ZNF704: variants seen among roughly 807,000 people sequenced by gnomAD.
ZNF704 encodes zinc finger protein 704, also known as glucocorticoid induced gene 1.
Under a neutral mutation model 44.7 loss-of-function variants are expected in ZNF704, and 10 were observed. That is an observed-to-expected ratio of 0.22 (90% CI 0.14 to 0.38). The LOEUF (loss-of-function observed/expected upper bound fraction) is 0.38. Among genes scored for constraint, ZNF704 ranks in the 10% least tolerant of loss-of-function variants. The pLI is 1.00. For synonymous variants in ZNF704, 211 were observed against 207.6 expected, an observed-to-expected ratio of 1.02 and a Z score of -0.14; for missense variants, 390 against 545.5, an observed-to-expected ratio of 0.71 and a Z score of 2.84.
rs1001719016 is a variant in ZNF704 at position 80,797,270 on chromosome 8, C to T, written c.221+24104G>A. On this transcript the variant is annotated intron_variant, in intron 2 of 8. Transcript: ENST00000327835. ...TTCTGGGGTCTTGGTGTTGGCCCTG[C>T]TCTCACAGCTCCACTAGGCAATGCC... Among the ~76,000 whole-genome samples, 3 of 152,186 alleles carry T rather than the reference C, an allele frequency of 2.0e-5. No homozygotes were observed. The East Asian group carries it at 5.8e-4, about 29-fold the overall frequency.
intron 1 of ZNF704, among the ~76,000 whole-genome samples, chr8:80,848,711 T>C (rs2129991067): frequency 6.6e-6 from 1 of 151,752 alleles, no homozygotes; most frequent in South Asian, 2.1e-4. Flanking sequence ...GTAGTGTGTG[T>C]CAGTAGTCCC....
At chr8:80,753,827 T>G (rs1806989946) in intron 2 of ZNF704, among the ~76,000 whole-genome samples, 1 of 152,118 alleles carries the variant, frequency 6.6e-6, no homozygotes, top group Non-Finnish European at 1.5e-5. Context: ...ACAGGGTTGA[T>G]GGAAAAAATA....
At chr8:80,693,687 A>G (rs1818678590) in intron 2 of ZNF704, among the ~76,000 whole-genome samples, 1 of 152,162 alleles carries the variant, frequency 6.6e-6, no homozygotes, top group South Asian at 2.1e-4. Flanking sequence ...CAGCCTGCAG[A>G]AAGGCATGGC....
At chr8:80,880,502 G>T in the ZNF704 span, among the ~76,000 whole-genome samples, 2 of 152,170 alleles carry the variant, frequency 1.3e-5, no homozygotes, top group Middle Eastern at 6.8e-3. Flanking sequence ...ATTGTTTTTG[G>T]TATATTTATT....
chr8:80,723,618 A>G (rs1806414621), intron 2 of ZNF704, among the ~76,000 whole-genome samples: 1 of 152,246 alleles, frequency 6.6e-6, no homozygotes, highest in African/African-American at 2.4e-5. Context: ...TGGTATTTAG[A>G]TTCCACTGGA....
At chr8:80,816,923 G>A (rs1263593857) in intron 2 of ZNF704, among the ~76,000 whole-genome samples, 1 of 152,066 alleles carries the variant, frequency 6.6e-6, no homozygotes, top group Non-Finnish European at 1.5e-5. Flanking sequence ...AATATCCCAG[G>A]GGTAAGCAGA....
At chr8:80,834,023 G>A (rs1370066658) in intron 1 of ZNF704, among the ~76,000 whole-genome samples, 1 of 152,062 alleles carries the variant, frequency 6.6e-6, no homozygotes, top group African/African-American at 2.4e-5. Context: ...AAAGCCTTAT[G>A]ATTCTAATGT....
chr8:80,859,316 T>A (rs890441646), intron 1 of ZNF704, among the ~76,000 whole-genome samples: 1 of 152,226 alleles, frequency 6.6e-6, no homozygotes, highest in African/African-American at 2.4e-5. Flanking sequence ...CTACTTTGTG[T>A]TGAAGTTAAT....
At chr8:80,871,666 T>C (rs929160273) in intron 1 of ZNF704, among the ~76,000 whole-genome samples, 2 of 152,244 alleles carry the variant, frequency 1.3e-5, no homozygotes, top group African/African-American at 2.4e-5. Context: ...TAGCACATAA[T>C]AGGTGTTCAA....
At chr8:80,693,513 G>A (rs1206765866) in intron 2 of ZNF704, among the ~76,000 whole-genome samples, 2 of 152,204 alleles carry the variant, frequency 1.3e-5, no homozygotes, top group African/African-American at 2.4e-5. Flanking sequence ...ATAGTGACAA[G>A]GGCTATGAAG....
chr8:80,761,915 A>G (rs1283780057), intron 2 of ZNF704, among the ~76,000 whole-genome samples: 1 of 152,262 alleles, frequency 6.6e-6, no homozygotes, highest in African/African-American at 2.4e-5. Context: ...AGATCTGTTA[A>G]TAAACTTCAA....
At chr8:80,698,320 G>C (rs547966275) in intron 2 of ZNF704, among the ~76,000 whole-genome samples, 1 of 152,262 alleles carries the variant, frequency 6.6e-6, no homozygotes, top group South Asian at 2.1e-4. Flanking sequence ...AGGAGAACAG[G>C]GCTGAGACTG....
chr8:80,631,242 G>A lies in ZNF704; in HGVS notation c.*10124C>T, dbSNP rs1045923666. 2.0e-5 allele frequency: 3 copies of A among 151,946 alleles called. No individual in the cohort carries two copies. The highest frequency in any genetic ancestry group is 6.6e-5 in the Admixed American group (1 of 15,258). 9.4% of individuals were successfully genotyped at this position (151,946 alleles called of 1,614,324 possible). A position where few individuals can be genotyped will look rare whatever the true frequency, so the allele number is the denominator to read the frequency against. On this transcript the variant is annotated 3_prime_UTR_variant, in exon 9 of 9. Coordinates refer to ENST00000327835, the MANE Select transcript of ZNF704 (RefSeq NM_001033723.3). ...TATGGGTAGTTTATCATGAAACTCC[G>A]CTGTATATCCCTGAGGGGTATATTC... is the stretch of plus-strand genomic sequence containing the variant.
chr8:80,825,658 T>C (rs562419361), intron 1 of ZNF704, among the ~76,000 whole-genome samples: 4 of 152,248 alleles, frequency 2.6e-5, no homozygotes, highest in East Asian at 1.9e-4. Context: ...TATTCCGAAA[T>C]TGACCACATA....
At chr8:80,788,338 G>T (rs1807648408) in intron 2 of ZNF704, among the ~76,000 whole-genome samples, 1 of 152,144 alleles carries the variant, frequency 6.6e-6, no homozygotes, top group Non-Finnish European at 1.5e-5. Context: ...AATGCTCAAT[G>T]AACTAGAATG....
chr8:80,868,531 G>A (rs1161229550), intron 1 of ZNF704, among the ~76,000 whole-genome samples: 1 of 152,170 alleles, frequency 6.6e-6, no homozygotes, highest in Non-Finnish European at 1.5e-5. Context: ...CCCACTTGTG[G>A]CCACATACTG....
chr8:80,657,010 G>A (rs1444647265), intron 7 of ZNF704, among the ~76,000 whole-genome samples: 3 of 152,082 alleles, frequency 2.0e-5, no homozygotes, highest in African/African-American at 4.8e-5. Context: ...AAGAATTCAC[G>A]TTTTTAAATT....
In ZNF704 at chr8:80,749,519, A is replaced by G. The variant is rs1806905251; in HGVS notation, c.222-56412T>C. The G allele has an allele frequency of 2.0e-5, 3 of 153,246 alleles. No individual in the cohort carries two copies. The Admixed American group carries it at 2.0e-4, about 10-fold the overall frequency. 9.5% of individuals were successfully genotyped at this position (153,246 alleles called of 1,614,324 possible). ...GGTTTAGAGTGCGGAATCATCTAAT[A>G]TAACATGACCAGAGCTGCAACCTCT... On this transcript the variant is annotated intron_variant, in intron 2 of 8. Coordinates refer to ENST00000327835, the MANE Select transcript of ZNF704 (RefSeq NM_001033723.3).
At chr8:80,836,133 C>T (rs1808554650) in intron 1 of ZNF704, among the ~76,000 whole-genome samples, 2 of 152,170 alleles carry the variant, frequency 1.3e-5, no homozygotes, top group Admixed American at 1.3e-4. Context: ...AATGGCTCCC[C>T]ATTTATTCAG....
Sources: allele counts gnomAD v4.1 joint callset (sites outside exome capture counted in the v4.1 genomes callset), GRCh38; gene constraint gnomAD v4.1.1; transcripts MANE v1.5; gene names NCBI Gene and HGNC (gene_info 2026-07-23, HGNC 2026-07-21).